The following PCED1B variants were observed in gnomAD, a reference collection of about 807,000 sequenced individuals.
The protein encoded by PCED1B is PC-esterase domain containing 1B.
For synonymous variants in PCED1B, 251 were observed against 246.1 expected, an observed-to-expected ratio of 1.02 and a Z score of -0.19; for missense variants, 573 against 573.9, an observed-to-expected ratio of 1.00 and a Z score of 0.02.
At chr12:47,189,201 A>G (rs953055774) in intron 2 of PCED1B, among the ~76,000 whole-genome samples, 1 of 152,194 alleles carries the variant, frequency 6.6e-6, no homozygotes, top group Admixed American at 6.5e-5. Flanking sequence ...TTGTCTAAGC[A>G]GAAAAGCATG....
chr12:47,190,214 G>A lies in PCED1B; in HGVS notation c.-525-26008G>A, dbSNP rs147498949. ...AAGCAAAAATGCATACAATTCAGTT[G>A]TCTCTCAGTCTATCCCACCCCGTTC... On this transcript the variant is annotated intron_variant, in intron 2 of 3. Coordinates refer to ENST00000546455, the MANE Select transcript of PCED1B (RefSeq NM_138371.3). 6.7e-4 allele frequency among the ~76,000 whole-genome samples: 102 copies of A among 152,340 alleles called. 1 individual carries two copies. Among genetic ancestry groups the A allele is most frequent in the African/African-American group, 2.3e-3 (96 of 41,582 alleles).
chr12:47,156,692 G>A (rs1162808122), intron 2 of PCED1B, among the ~76,000 whole-genome samples: 2 of 152,010 alleles, frequency 1.3e-5, no homozygotes, highest in African/African-American at 2.4e-5. Flanking sequence ...CCTCCATTCA[G>A]TATGGGTTAG....
At chr12:47,085,586 G>A (rs1937939683) in intron 1 of PCED1B, among the ~76,000 whole-genome samples, 1 of 152,104 alleles carries the variant, frequency 6.6e-6, no homozygotes, top group African/African-American at 2.4e-5. Flanking sequence ...TGTGGCAGGG[G>A]ACTATCTGGT....
intron 2 of PCED1B, among the ~76,000 whole-genome samples, chr12:47,186,353 T>C (rs2137631667): frequency 6.6e-6 from 1 of 151,952 alleles, no homozygotes; most frequent in South Asian, 2.1e-4. Context: ...GGCAAATATA[T>C]GGGGAAACTT....
chr12:47,079,736 G>A lies in PCED1B; in HGVS notation c.-609+11G>A, dbSNP rs1273032338. On this transcript the variant is annotated intron_variant, in intron 1 of 3. Coordinates refer to ENST00000546455, the MANE Select transcript of PCED1B (RefSeq NM_138371.3). ...CATTGCAGGCTGAAGGTACCGCCTC[G>A]GCGCTCTGGCCGCCGTGTGCCCGCG... 2 of 151,364 alleles carry A rather than the reference G, an allele frequency of 1.3e-5. No homozygotes were observed. Among genetic ancestry groups the A allele is most frequent in the Non-Finnish European group, 3.0e-5 (2 of 67,796 alleles). 9.4% of individuals were successfully genotyped at this position (151,364 alleles called of 1,614,324 possible).
chr12:47,222,376 C>A (rs1440637737), intron 3 of PCED1B, among the ~76,000 whole-genome samples: 3 of 141,748 alleles, frequency 2.1e-5, no homozygotes, highest in Non-Finnish European at 4.5e-5. Context: ...GAGCTGAGAT[C>A]ACGCCATTGC....
At chr12:47,186,188 A>T (rs1942258119) in intron 2 of PCED1B, among the ~76,000 whole-genome samples, 1 of 150,784 alleles carries the variant, frequency 6.6e-6, no homozygotes, top group Non-Finnish European at 1.5e-5. Flanking sequence ...CCTGCACTCC[A>T]GCCTGGGTGA....
At chr12:47,215,414 C>T (rs1415388723) in intron 2 of PCED1B, among the ~76,000 whole-genome samples, 2 of 151,970 alleles carry the variant, frequency 1.3e-5, no homozygotes, top group East Asian at 3.9e-4. Flanking sequence ...CCACCACGCC[C>T]AGCTAATTTT....
chr12:47,080,575 C>G (rs1035056335), intron 1 of PCED1B, among the ~76,000 whole-genome samples: 1 of 152,114 alleles, frequency 6.6e-6, no homozygotes, highest in Admixed American at 6.5e-5. Flanking sequence ...GAAATCGCCA[C>G]GGGGACACCC....
chr12:47,164,155 C>T (rs1941472600), intron 2 of PCED1B, among the ~76,000 whole-genome samples: 1 of 152,104 alleles, frequency 6.6e-6, no homozygotes, highest in African/African-American at 2.4e-5. Flanking sequence ...TGTCCCATGC[C>T]CCAAAAGTCA....
At chr12:47,164,228 T>C (rs1199181944) in intron 2 of PCED1B, among the ~76,000 whole-genome samples, 3 of 152,206 alleles carry the variant, frequency 2.0e-5, no homozygotes, top group Non-Finnish European at 4.4e-5. Context: ...CTTAATGTGC[T>C]CCATCACCAA....
rs893158332 is a variant in PCED1B, at chr12:47,132,441, A to G, written c.-526+28246A>G. Among the ~76,000 whole-genome samples, 10 of 152,288 alleles carry G rather than the reference A, an allele frequency of 6.6e-5. No individual in the cohort carries two copies. In the East Asian group the frequency reaches 1.2e-3, roughly 18 times the overall value. ...AATACCCCTGTGTAAATGGCCCAAT[A>G]CTATGGGGGAATTAAACGGCTTGCA... On this transcript the variant is annotated intron_variant, in intron 2 of 3. Transcript: ENST00000546455.
chr12:47,174,370 C>T (rs987715463), intron 2 of PCED1B, among the ~76,000 whole-genome samples: 2 of 151,526 alleles, frequency 1.3e-5, no homozygotes, highest in African/African-American at 2.4e-5. Context: ...GATTGCGCTA[C>T]CGCACTCCAG....
At chr12:47,105,181 G>A (rs1438085970) in intron 2 of PCED1B, among the ~76,000 whole-genome samples, 11 of 152,150 alleles carry the variant, frequency 7.2e-5, no homozygotes, top group Admixed American at 7.2e-4. Flanking sequence ...ATACAGAGGG[G>A]AGTGGGAGTC....
intron 3 of PCED1B, among the ~76,000 whole-genome samples, chr12:47,232,926 T>TTTAG (rs926742715): frequency 1.3e-5 from 2 of 151,018 alleles, no homozygotes; most frequent in African/African-American, 2.4e-5. Flanking sequence ...TATTTATTTA[T>TTTAG]TTATTTATTT....
chr12:47,150,937 T>C (rs1253213846), intron 2 of PCED1B, among the ~76,000 whole-genome samples: 5 of 152,170 alleles, frequency 3.3e-5, no homozygotes, highest in Admixed American at 3.3e-4. Flanking sequence ...GACTTAATTT[T>C]TTAAATTAAT....
At chr12:47,165,044 G>A (rs544809485) in intron 2 of PCED1B, among the ~76,000 whole-genome samples, 17 of 152,348 alleles carry the variant, frequency 1.1e-4, no homozygotes, top group South Asian at 4.1e-4. Flanking sequence ...GGAGACCAAT[G>A]TTGGCCTGCC....
At chr12:47,166,207 T>C (rs1231726672) in intron 2 of PCED1B, among the ~76,000 whole-genome samples, 1 of 152,226 alleles carries the variant, frequency 6.6e-6, no homozygotes, top group Non-Finnish European at 1.5e-5. Flanking sequence ...TGATAAGCAC[T>C]AGTTAACAAA....
intron 2 of PCED1B, among the ~76,000 whole-genome samples, chr12:47,213,900 G>A (rs764613636): frequency 8.5e-5 from 13 of 152,168 alleles, no homozygotes; most frequent in Non-Finnish European, 1.2e-4. Context: ...GTATAAGTGT[G>A]ATTATCATTT....
Sources: allele counts gnomAD v4.1 joint callset (sites outside exome capture counted in the v4.1 genomes callset), GRCh38; gene constraint gnomAD v4.1.1; transcripts MANE v1.5; gene names NCBI Gene and HGNC (gene_info 2026-07-23, HGNC 2026-07-21).